GRIN2A: variants seen among roughly 807,000 people sequenced by gnomAD.
The protein encoded by GRIN2A is glutamate receptor ionotropic, NMDA 2A.
A neutral mutation model predicts 113.4 loss-of-function variants in GRIN2A; 22 were observed. The ratio of observed to expected loss-of-function variants is 0.19; its 90% CI spans 0.14 to 0.28. The LOEUF (loss-of-function observed/expected upper bound fraction) is 0.28. Ranked by LOEUF, GRIN2A falls within the 10% of genes least tolerant of loss-of-function variation. The probability of loss-of-function intolerance (pLI) is 1.00; values close to 1 mark genes in which losing one functional copy is unlikely to be tolerated. For missense variants in GRIN2A, 1,502 were observed against 1,887.0 expected (o/e 0.80, Z 3.78); for synonymous variants, 827 against 738.4 (o/e 1.12, Z -1.94).
chr16:10,176,941 C>G (rs925396788), intron 2 of GRIN2A, among the ~76,000 whole-genome samples: 1 of 152,172 alleles, frequency 6.6e-6, no homozygotes, highest in African/African-American at 2.4e-5. Context: ...CCAGCAGGGG[C>G]ACTATCATGT....
chr16:10,159,887 A>C (rs939056329), intron 2 of GRIN2A, among the ~76,000 whole-genome samples: 1 of 152,238 alleles, frequency 6.6e-6, no homozygotes, highest in African/African-American at 2.4e-5. Flanking sequence ...CAGATATTAA[A>C]GCTGTAAGAG....
chr16:10,173,172 G>C (rs921067918), intron 2 of GRIN2A, among the ~76,000 whole-genome samples: 12 of 152,216 alleles, frequency 7.9e-5, no homozygotes, highest in African/African-American at 2.7e-4. Context: ...TCATGGAAAA[G>C]ACTAAAGATA....
Position 10,057,343 on chromosome 16 carries a change from T to C in GRIN2A, c.415-118792A>G, listed in dbSNP as rs111827305. On this transcript the variant is annotated intron_variant, in intron 2 of 12. Transcript: ENST00000330684. ...ACTTCAAGGTAAGTTCCCTAGGTAT[T>C]CCTGCCACTTGTAACTATGTTGGTG... is the stretch of plus-strand genomic sequence containing the variant. 2.0e-3 allele frequency among the ~76,000 whole-genome samples: 304 copies of C among 152,310 alleles called. 2 individuals carry two copies. The highest frequency in any genetic ancestry group is 7.1e-3 in the African/African-American group (295 of 41,566).
rs527667378 is a variant in GRIN2A at position 10,077,451 on chromosome 16, A to G, written c.414+102547T>C. Among the ~76,000 whole-genome samples the G allele has an allele frequency of 3.3e-5, 5 of 152,266 alleles. No individual in the cohort carries two copies. In the South Asian group the frequency reaches 8.3e-4, roughly 25 times the overall value. On this transcript the variant is annotated intron_variant, in intron 2 of 12. Transcript: ENST00000330684. Reference sequence around the variant, plus strand: ...ACAAATCCATCAGTAAACCCAGTACATCCCACACTCTCACCACTGCCACTA... The same window carrying G: ...ACAAATCCATCAGTAAACCCAGTACGTCCCACACTCTCACCACTGCCACTA...
rs373901698 is a variant in GRIN2A at position 9,763,404 on chromosome 16, C to G, written c.4140G>C (p.Gly1380=). The G allele has an allele frequency of 6.2e-7, 1 of 1,614,094 alleles. No individual in the cohort carries two copies. The highest frequency in any genetic ancestry group is 2.2e-5 in the East Asian group (1 of 44,848). Residue 1380 remains glycine, a synonymous_variant, in exon 13 of 13, where the codon GGG becomes GGC. Transcript: ENST00000330684. ...SHRDDQRLVI[G]RCPSDPYKHS... ...GTTTGTAAGGGTCCGAGGGGCATCT[C>G]CCAATAACCAAGCGTTGGTCATCCC... is the stretch of plus-strand genomic sequence containing the variant.
rs184370413 is a variant in GRIN2A at position 9,760,752 on chromosome 16, A to T, written c.*2397T>A. 4.4e-6 allele frequency: 1 copy of T among 229,342 alleles called. No homozygotes were observed. The highest frequency in any genetic ancestry group is 6.2e-5 in the East Asian group (1 of 16,176). 14.2% of individuals were successfully genotyped at this position (229,342 alleles called of 1,614,324 possible). A position where few individuals can be genotyped will look rare whatever the true frequency, so the allele number is the denominator to read the frequency against. ...GAAGACAGAAAGCCTCTTTGGCTTG[A>T]CGACAAATCACTCTTCTGTATTCTG... is the stretch of plus-strand genomic sequence containing the variant. On this transcript the variant is annotated 3_prime_UTR_variant, in exon 13 of 13. Coordinates refer to ENST00000330684, the MANE Select transcript of GRIN2A (RefSeq NM_001134407.3).
chr16:9,840,600 C>G (rs375443561), intron 7 of GRIN2A, 47 bp downstream of exon 7: 1 of 1,573,084 alleles, frequency 6.4e-7, no homozygotes, highest in Non-Finnish European at 8.8e-7. Context: ...ACAAGATTTC[C>G]TACAATTCCT....
intron 2 of GRIN2A, among the ~76,000 whole-genome samples, chr16:9,957,310 T>A (rs2045331218): frequency 6.6e-6 from 1 of 152,120 alleles, no homozygotes; most frequent in Non-Finnish European, 1.5e-5. Context: ...ACACACACAG[T>A]GGATATAGGA....
chr16:9,976,764 C>T (rs963266611), intron 2 of GRIN2A, among the ~76,000 whole-genome samples: 2 of 152,170 alleles, frequency 1.3e-5, no homozygotes, highest in Non-Finnish European at 2.9e-5. Context: ...GATGCATGTC[C>T]TCTGAAGCCA....
intron 2 of GRIN2A, among the ~76,000 whole-genome samples, chr16:10,142,577 T>C (rs2142260049): frequency 6.6e-6 from 1 of 152,244 alleles, no homozygotes; most frequent in East Asian, 1.9e-4. Context: ...GTGGTGAGTA[T>C]AGTCTCTGCT....
intron 2 of GRIN2A, among the ~76,000 whole-genome samples, chr16:10,177,386 C>A (rs2050169677): frequency 6.6e-6 from 1 of 152,176 alleles, no homozygotes; most frequent in Non-Finnish European, 1.5e-5. Flanking sequence ...TGCTTCCCTG[C>A]CACCTTGCCT....
intron 2 of GRIN2A, among the ~76,000 whole-genome samples, chr16:9,984,229 A>AT (rs34897635): frequency 0.55 from 81,695 of 149,524 alleles, 22,442 homozygotes; most frequent in Middle Eastern, 0.6. Flanking sequence ...TTTTAATCGG[A>AT]TTTTTTTTTT....
intron 3 of GRIN2A, among the ~76,000 whole-genome samples, chr16:9,902,088 G>GGCGTGAACCTGGGAGGCGGAGCTTGC (rs1567165717): frequency 1.6e-4 from 24 of 152,106 alleles, no homozygotes; most frequent in African/African-American, 5.6e-4. Context: ...TACGGGTCAA[G>GGCGTGAACCTGGGAGGCGGAGCTTGC]AGACTTCTGG....
intron 2 of GRIN2A, among the ~76,000 whole-genome samples, chr16:10,098,577 G>A (rs1042181347): frequency 5.9e-5 from 9 of 152,260 alleles, no homozygotes; most frequent in Admixed American, 6.5e-5. Context: ...TCGACAAGTG[G>A]CTAAACAAAT....
chr16:10,035,485 T>C (rs76079968), intron 2 of GRIN2A, among the ~76,000 whole-genome samples: 3,054 of 152,300 alleles, frequency 0.02, 109 homozygotes, highest in African/African-American at 0.07. Context: ...TCAAAGCCCT[T>C]ACCTATCCCT....
At chr16:9,965,182 C>G (rs569697535) in intron 2 of GRIN2A, among the ~76,000 whole-genome samples, 1 of 152,318 alleles carries the variant, frequency 6.6e-6, no homozygotes, top group South Asian at 2.1e-4. Context: ...GTTGCATACT[C>G]ACACGCTGGC....
At chr16:9,822,189 AG>A (rs1403861375) in intron 10 of GRIN2A, 74 bp downstream of exon 10, 9 of 1,412,748 alleles carry the variant, frequency 6.4e-6, no homozygotes, top group Non-Finnish European at 9.0e-6. Context: ...ATAGGAACTG[AG>A]GCATGCCGAG....
chr16:10,152,520 A>G (rs560087291), intron 2 of GRIN2A, among the ~76,000 whole-genome samples: 6 of 152,176 alleles, frequency 3.9e-5, no homozygotes, highest in African/African-American at 7.2e-5. Flanking sequence ...TTTCCCCCCA[A>G]CCATCACTCA....
At chr16:10,125,415 G>C (rs1443021022) in intron 2 of GRIN2A, among the ~76,000 whole-genome samples, 2 of 152,114 alleles carry the variant, frequency 1.3e-5, no homozygotes, top group Non-Finnish European at 2.9e-5. Flanking sequence ...AGGAGAAGTC[G>C]AGTAAATACA....
Sources: allele counts gnomAD v4.1 joint callset (sites outside exome capture counted in the v4.1 genomes callset), GRCh38; gene constraint gnomAD v4.1.1; transcripts MANE v1.5; gene names NCBI Gene and HGNC (gene_info 2026-07-23, HGNC 2026-07-21).